The following TTC6 variants were observed in gnomAD, a reference collection of about 807,000 sequenced individuals.
The protein encoded by TTC6 is tetratricopeptide repeat protein 6.
A neutral mutation model predicts 210.4 loss-of-function variants in TTC6; 172 were observed. The ratio of observed to expected loss-of-function variants is 0.82; its 90% CI spans 0.72 to 0.93. The LOEUF (loss-of-function observed/expected upper bound fraction) is 0.93, where lower values mean the gene tolerates loss of function less well. TTC6 is among the 40% of genes least tolerant of loss of function. TTC6 has a pLI of 0.00. For missense variants in TTC6, 2,414 were observed against 2,318.1 expected, an observed-to-expected ratio of 1.04 and a Z score of -0.85; for synonymous variants, 804 against 819.6, an observed-to-expected ratio of 0.98 and a Z score of 0.32.
intron 7 of TTC6, among the ~76,000 whole-genome samples, chr14:37,728,255 G>A (rs939729910): frequency 6.6e-6 from 1 of 152,046 alleles, no homozygotes; most frequent in African/African-American, 2.4e-5. Flanking sequence ...AATTAAATAT[G>A]GATTTTCAAT....
chr14:37,804,308 A>T (rs914424668), intron 20 of TTC6, among the ~76,000 whole-genome samples: 2 of 152,220 alleles, frequency 1.3e-5, no homozygotes, highest in Non-Finnish European at 2.9e-5. Flanking sequence ...GCTTCCCAGT[A>T]TTCCATTCAG....
At chr14:37,704,533 A>T (rs1688063541) in intron 5 of TTC6, among the ~76,000 whole-genome samples, 1 of 151,810 alleles carries the variant, frequency 6.6e-6, no homozygotes, top group Non-Finnish European at 1.5e-5. Flanking sequence ...TCTCTTGGTT[A>T]TGTGCTTTTT....
chr14:37,701,417 G>A, exon 5 of TTC6: 1 of 1,532,924 alleles, frequency 6.5e-7, no homozygotes, highest in Non-Finnish European at 8.7e-7. Flanking sequence ...CTTGCGCCTG[G>A]CTTCTCGAGT....
intron 1 of TTC6, among the ~76,000 whole-genome samples, chr14:37,633,037 A>G (rs1458100084): frequency 1.3e-5 from 2 of 152,230 alleles, no homozygotes; most frequent in East Asian, 1.9e-4. Flanking sequence ...ATTTTAAGCC[A>G]GTGGATCTTA....
At chr14:37,771,607 G>C (rs1322520286) in intron 14 of TTC6, among the ~76,000 whole-genome samples, 1 of 151,986 alleles carries the variant, frequency 6.6e-6, no homozygotes. Context: ...GGCTCCTGAG[G>C]CTTCTGCATT....
At position 37,827,369 on chromosome 14, in the gene TTC6, A is replaced by G; in HGVS notation, c.5298+3A>G. 6.2e-7 allele frequency: 1 copy of G among 1,611,716 alleles called. No homozygotes were observed. The highest frequency in any genetic ancestry group is 8.5e-7 in the Non-Finnish European group (1 of 1,178,492). Reference sequence around the variant, plus strand: ...TTCACCACAGGCAGTTTTCCCAGGTAATGTGAGTTTTACTTAACGCTTTCT... The same window carrying G: ...TTCACCACAGGCAGTTTTCCCAGGTGATGTGAGTTTTACTTAACGCTTTCT... On this transcript the variant is annotated splice_donor_region_variant and intron_variant, in intron 29 of 30. Transcript: ENST00000553443.
chr14:37,638,017 A>C (rs936518790), intron 1 of TTC6, among the ~76,000 whole-genome samples: 3 of 152,230 alleles, frequency 2.0e-5, no homozygotes, highest in African/African-American at 7.2e-5. Flanking sequence ...TTATGCTTGC[A>C]TGAAAATCTG....
At chr14:37,711,566 AT>A (rs199779034) in intron 5 of TTC6, among the ~76,000 whole-genome samples, 8 of 151,838 alleles carry the variant, frequency 5.3e-5, no homozygotes, top group African/African-American at 1.9e-4. Context: ...CACATAAGGC[AT>A]TTTTTTTGCA....
At chr14:37,796,310 A>T in exon 19 of TTC6, 4 of 1,291,972 alleles carry the variant, frequency 3.1e-6, no homozygotes, top group Non-Finnish European at 4.4e-6. Context: ...ATATCTTCTT[A>T]TGATGAAATA....
Position 37,714,352 on chromosome 14 carries a change from A to T in TTC6, c.1572-303A>T, listed in dbSNP as rs188011173. ...AATGGGGAGTAGGTGAGAGATCAGAAGGTAAAGAAGTTTTTTTTTTTTTAA... is the reference window on the plus strand; with the variant it reads ...AATGGGGAGTAGGTGAGAGATCAGATGGTAAAGAAGTTTTTTTTTTTTTAA... On this transcript the variant is annotated intron_variant, in intron 5 of 30. Coordinates refer to ENST00000553443, the Ensembl canonical transcript of TTC6. Among the ~76,000 whole-genome samples the T allele has an allele frequency of 2.6e-3, 390 of 148,830 alleles. 3 individuals carry two copies. Among genetic ancestry groups the T allele is most frequent in the African/African-American group, 8.8e-3 (364 of 41,142 alleles).
intron 5 of TTC6, among the ~76,000 whole-genome samples, chr14:37,709,894 G>C (rs1372304558): frequency 1.3e-5 from 2 of 152,030 alleles, no homozygotes; most frequent in Non-Finnish European, 2.9e-5. Context: ...AAAACCTAAA[G>C]CTTTTTCCAG....
intron 14 of TTC6, among the ~76,000 whole-genome samples, chr14:37,770,749 C>G (rs1431437490): frequency 2.7e-5 from 4 of 147,568 alleles, no homozygotes; most frequent in East Asian, 4.0e-4. Flanking sequence ...GGTCTTGACT[C>G]TTTATCCAAT....
Position 37,803,353 on chromosome 14 carries a change from A to G in TTC6, c.4030-1327A>G, listed in dbSNP as rs80322514. On this transcript the variant is annotated intron_variant, in intron 20 of 30. Coordinates refer to ENST00000553443, the Ensembl canonical transcript of TTC6. ...AGTTAAAAAAATTTTTTTGAATTAT[A>G]TAGCTGCATTGTTGTACTCTTCCAA... Among the ~76,000 whole-genome samples the G allele has an allele frequency of 4.6e-3, 708 of 152,272 alleles. 5 individuals are homozygous for G. Among genetic ancestry groups the G allele is most frequent in the African/African-American group, 0.016 (678 of 41,550 alleles).
intron 3 of TTC6, among the ~76,000 whole-genome samples, chr14:37,694,643 T>C (rs1004600477): frequency 6.6e-6 from 1 of 152,156 alleles, no homozygotes; most frequent in African/African-American, 2.4e-5. Flanking sequence ...GTTGCAGCAC[T>C]GGTCACACAA....
At chr14:37,831,474 A>G (rs370479171) in intron 29 of TTC6, among the ~76,000 whole-genome samples, 58 of 152,182 alleles carry the variant, frequency 3.8e-4, no homozygotes, top group South Asian at 2.7e-3. Flanking sequence ...TGATAGTTCT[A>G]TTGTTTTGAG....
intron 21 of TTC6, among the ~76,000 whole-genome samples, chr14:37,805,453 A>ACACACACT (rs911902105): frequency 6.7e-6 from 1 of 150,280 alleles, no homozygotes; most frequent in African/African-American, 2.4e-5. Flanking sequence ...ACACACACAC[A>ACACACACT]AACACACACA....
At chr14:37,777,371 A>G (rs536301195) in intron 14 of TTC6, among the ~76,000 whole-genome samples, 1 of 151,350 alleles carries the variant, frequency 6.6e-6, no homozygotes, top group African/African-American at 2.4e-5. Flanking sequence ...AGATTTTTTT[A>G]CTCAGCTTGG....
At chr14:37,625,384 C>T (rs969788652) in intron 1 of TTC6, among the ~76,000 whole-genome samples, 4 of 151,434 alleles carry the variant, frequency 2.6e-5, no homozygotes, top group African/African-American at 7.3e-5. Flanking sequence ...CCCATCTCTA[C>T]TAAAAATACA....
At chr14:37,637,112 A>G (rs2095682390) in intron 1 of TTC6, among the ~76,000 whole-genome samples, 1 of 151,998 alleles carries the variant, frequency 6.6e-6, no homozygotes. Context: ...AACAAACCAA[A>G]CCAAAAAAGA....
Sources: allele counts gnomAD v4.1 joint callset (sites outside exome capture counted in the v4.1 genomes callset), GRCh38; gene constraint gnomAD v4.1.1; transcripts MANE v1.5; gene names NCBI Gene and HGNC (gene_info 2026-07-23, HGNC 2026-07-21).